The following OXSR1 variants were observed in gnomAD, a reference collection of about 807,000 sequenced individuals.
OXSR1 encodes the protein oxidative stress responsive kinase 1, also known as serine/threonine-protein kinase OSR1.
In OXSR1, 24 loss-of-function variants were observed where a neutral mutation model predicts 79.8. That is an observed-to-expected ratio of 0.30 (90% confidence interval 0.22 to 0.42). The LOEUF (loss-of-function observed/expected upper bound fraction) is 0.42. Ranked by LOEUF, OXSR1 falls within the 10% of genes least tolerant of loss-of-function variation. The pLI, the probability that OXSR1 is intolerant of heterozygous loss-of-function variation, is 1.00. For missense variants in OXSR1, 430 were observed against 618.4 expected (o/e 0.70, Z 3.23); for synonymous variants, 226 against 209.2 (o/e 1.08, Z -0.69).
chr3:38,198,874 G>A lies in OXSR1; in HGVS notation c.434+11G>A. 2 of 1,609,136 alleles carry A rather than the reference G, an allele frequency of 1.2e-6. No homozygotes were observed. Among genetic ancestry groups the A allele is most frequent in the South Asian group, 1.1e-5 (1 of 90,816 alleles). ...TGGACAGATCCACAGGTATGTAAAAGACAATACTCTTGTGTTACATCATCT... is the reference window on the plus strand; with the variant it reads ...TGGACAGATCCACAGGTATGTAAAAAACAATACTCTTGTGTTACATCATCT... On this transcript the variant is annotated intron_variant, in intron 4 of 17. Coordinates refer to ENST00000311806, the MANE Select transcript of OXSR1 (RefSeq NM_005109.3).
At chr3:38,250,086 G>T in intron 15 of OXSR1, 68 bp downstream of exon 15, 1 of 1,091,462 alleles carries the variant, frequency 9.2e-7, no homozygotes, top group South Asian at 1.3e-5. Flanking sequence ...GTGTTGTGAA[G>T]TTTCTGTCCT....
chr3:38,233,396 G>T (rs1702852021), intron 10 of OXSR1, among the ~76,000 whole-genome samples: 1 of 152,156 alleles, frequency 6.6e-6, no homozygotes, highest in Non-Finnish European at 1.5e-5. Flanking sequence ...ACATCACTCT[G>T]CAGTGAAGCA....
intron 8 of OXSR1, among the ~76,000 whole-genome samples, chr3:38,229,081 G>A (rs1357299252): frequency 4.3e-4 from 66 of 152,090 alleles, no homozygotes; most frequent in Non-Finnish European, 2.9e-5. Context: ...ATTGACAGTC[G>A]TGTCTTTACT....
intron 1 of OXSR1, among the ~76,000 whole-genome samples, chr3:38,172,130 C>T (rs1168103046): frequency 6.6e-6 from 1 of 152,090 alleles, no homozygotes; most frequent in Non-Finnish European, 1.5e-5. Flanking sequence ...TCATATTTCC[C>T]AATTTTTGGT....
chr3:38,238,145 A>C (rs1417491343), intron 11 of OXSR1, among the ~76,000 whole-genome samples: 1 of 152,184 alleles, frequency 6.6e-6, no homozygotes, highest in African/African-American at 2.4e-5. Context: ...TAAACAACAC[A>C]GAAACTTATA....
chr3:38,220,114 TTG>T (rs927095626), intron 5 of OXSR1, among the ~76,000 whole-genome samples: 4 of 152,116 alleles, frequency 2.6e-5, no homozygotes, highest in African/African-American at 9.7e-5. Context: ...GCCAAGATTA[TTG>T]TGTGTTTTTT....
rs190322725 is a variant in OXSR1, at chr3:38,254,116, A to C, written c.*1225A>C. ...GTTTCATAGTCTTTGTCTAACTGCTAGTAACCCTACCGAGTTTTATATATG... is the reference window on the plus strand; with the variant it reads ...GTTTCATAGTCTTTGTCTAACTGCTCGTAACCCTACCGAGTTTTATATATG... On this transcript the variant is annotated 3_prime_UTR_variant, in exon 18 of 18. Coordinates refer to ENST00000311806, the MANE Select transcript of OXSR1 (RefSeq NM_005109.3). 5.0e-6 allele frequency: 2 copies of C among 398,644 alleles called. No homozygotes were observed. The highest frequency in any genetic ancestry group is 7.1e-5 in the East Asian group (2 of 28,070). The allele number at this position is 398,644 out of a possible 1,614,324, so 24.7% of individuals were successfully genotyped here. A position where few individuals can be genotyped will look rare whatever the true frequency, so the allele number is the denominator to read the frequency against.
intron 4 of OXSR1, among the ~76,000 whole-genome samples, chr3:38,214,677 T>A (rs1381379408): frequency 6.6e-6 from 1 of 152,220 alleles, no homozygotes; most frequent in Non-Finnish European, 1.5e-5. Flanking sequence ...CTCTACTAAG[T>A]CAGCCTCTGG....
intron 3 of OXSR1, among the ~76,000 whole-genome samples, chr3:38,196,570 A>G (rs1702076240): frequency 6.6e-6 from 1 of 152,204 alleles, no homozygotes; most frequent in African/African-American, 2.4e-5. Context: ...CTTTGTTCAA[A>G]ATGTCTGTTC....
upstream of OXSR1, among the ~76,000 whole-genome samples, chr3:38,164,268 C>T (rs1441721684): frequency 6.6e-6 from 1 of 152,106 alleles, no homozygotes; most frequent in African/African-American, 2.4e-5. Context: ...GCTTCAGCCT[C>T]CCTAGTAGCT....
chr3:38,180,944 A>G (rs765109633), intron 1 of OXSR1, among the ~76,000 whole-genome samples: 37 of 152,106 alleles, frequency 2.4e-4, no homozygotes, highest in South Asian at 4.2e-4. Flanking sequence ...ACAATTTAGG[A>G]TAATCTTCCC....
intron 4 of OXSR1, among the ~76,000 whole-genome samples, chr3:38,210,285 A>G (rs1037435639): frequency 3.0e-4 from 45 of 152,024 alleles, no homozygotes; most frequent in African/African-American, 1.1e-3. Context: ...CCCCAAGGTG[A>G]GACAGGAAGG....
chr3:38,249,840 T>C (rs1703218932), intron 14 of OXSR1, 126 bp from the exon 15 acceptor site: 1 of 670,076 alleles, frequency 1.5e-6, no homozygotes, highest in Non-Finnish European at 2.7e-6. Flanking sequence ...CATATCTGAA[T>C]ACATCATATG....
intron 2 of OXSR1, among the ~76,000 whole-genome samples, chr3:38,184,244 A>G (rs574605738): frequency 7.9e-5 from 12 of 152,334 alleles, no homozygotes; most frequent in African/African-American, 2.9e-4. Flanking sequence ...ATAATTATAT[A>G]TGAGATGGAC....
chr3:38,186,200 A>G (rs1701883435), intron 2 of OXSR1, among the ~76,000 whole-genome samples: 1 of 152,094 alleles, frequency 6.6e-6, no homozygotes, highest in South Asian at 2.1e-4. Context: ...TTGATAGGAA[A>G]TATTGATTAG....
chr3:38,242,241 C>T (rs533668796), intron 11 of OXSR1, among the ~76,000 whole-genome samples: 1 of 152,058 alleles, frequency 6.6e-6, no homozygotes, highest in African/African-American at 2.4e-5. Flanking sequence ...ATACCAGATT[C>T]CCAAATATCC....
chr3:38,165,192 C>G (rs1701413065), upstream of OXSR1: 2 of 152,464 alleles, frequency 1.3e-5, no homozygotes, highest in South Asian at 2.0e-4. Flanking sequence ...GATTCCTTCT[C>G]AAACAAACCA....
chr3:38,211,710 GC>G (rs1201632680), intron 4 of OXSR1, among the ~76,000 whole-genome samples: 2 of 152,120 alleles, frequency 1.3e-5, no homozygotes, highest in Non-Finnish European at 2.9e-5. Context: ...GAAAACCTGA[GC>G]CCCCTAGCCA....
intron 1 of OXSR1, among the ~76,000 whole-genome samples, chr3:38,172,285 G>T (rs556929490): frequency 6.6e-6 from 1 of 151,972 alleles, no homozygotes; most frequent in Non-Finnish European, 1.5e-5. Flanking sequence ...CCTCATTCAG[G>T]TTTAGATGGA....
Sources: gnomAD v4.1 joint callset for allele counts (sites outside exome capture counted in the v4.1 genomes callset) on GRCh38, gnomAD v4.1.1 for gene constraint, MANE v1.5 for transcripts, NCBI Gene and HGNC (gene_info 2026-07-23, HGNC 2026-07-21) for gene names.